DOCK4: variants seen among roughly 807,000 people sequenced by gnomAD.
The protein encoded by DOCK4 is dedicator of cytokinesis protein 4.
Under a neutral mutation model 268.1 loss-of-function variants are expected in DOCK4, and 97 were observed. That is an observed-to-expected ratio of 0.36 (90% CI 0.31 to 0.43). The LOEUF (loss-of-function observed/expected upper bound fraction) is 0.43. Ranked by LOEUF, DOCK4 falls within the 20% of genes least tolerant of loss-of-function variation. The pLI, the probability that DOCK4 is intolerant of heterozygous loss-of-function variation, is 1.00. For missense variants in DOCK4, 2,145 were observed against 2,455.7 expected, an observed-to-expected ratio of 0.87 and a Z score of 2.67; for synonymous variants, 954 against 887.2, an observed-to-expected ratio of 1.08 and a Z score of -1.34.
intron 25 of DOCK4, among the ~76,000 whole-genome samples, chr7:111,841,934 T>A (rs1226326758): frequency 6.6e-6 from 1 of 152,232 alleles, no homozygotes; most frequent in Non-Finnish European, 1.5e-5. Context: ...TTAAAAAGTG[T>A]TTTAGCTTCT....
chr7:111,759,844 A>AACTT (rs781084520), intron 40 of DOCK4, among the ~76,000 whole-genome samples: 72 of 151,924 alleles, frequency 4.7e-4, no homozygotes, highest in Non-Finnish European at 7.1e-4. Flanking sequence ...GATTTTCTTG[A>AACTT]ACTTAAGCAG....
In DOCK4 at chr7:111,973,160, T is replaced by C. The variant is rs879346101; in HGVS notation, c.701+3972A>G. On this transcript the variant is annotated intron_variant, in intron 8 of 52. Coordinates refer to ENST00000428084, the MANE Select transcript of DOCK4 (RefSeq NM_001363540.2). ...TGGCTGACTAGTATTCCATGGCATA[T>C]ATATATATATATATATATATATATA... Among the ~76,000 whole-genome samples, 458 of 119,140 alleles carry C rather than the reference T, an allele frequency of 3.8e-3. 2 individuals carry two copies. The highest frequency in any genetic ancestry group is 6.4e-3 in the Non-Finnish European group (369 of 57,564). The allele number at this position is 119,140 out of a possible 152,430, so 78.2% of individuals were successfully genotyped here.
At chr7:111,915,758 G>A (rs374371338) in intron 13 of DOCK4, 21 bp downstream of exon 13, 27 of 1,609,728 alleles carry the variant, frequency 1.7e-5, no homozygotes, top group Admixed American at 3.4e-5. Context: ...TCATCATATC[G>A]GTACGTCCCA....
chr7:111,824,403 T>C lies in DOCK4; in HGVS notation c.2836-1947A>G, dbSNP rs142555742. ...TCCTATCTTGGTGCATTTGCTTAGA[T>C]AGATGTGAAAGTCATGAGAGTGGGG... On this transcript the variant is annotated intron_variant, in intron 26 of 52. Coordinates refer to ENST00000428084, the MANE Select transcript of DOCK4 (RefSeq NM_001363540.2). 2.3e-3 allele frequency among the ~76,000 whole-genome samples: 346 copies of C among 152,276 alleles called. 1 individual carries two copies. Among genetic ancestry groups the C allele is most frequent in the African/African-American group, 8.0e-3 (332 of 41,568 alleles).
chr7:112,185,829 G>A (rs1431990835), intron 1 of DOCK4, among the ~76,000 whole-genome samples: 6 of 152,204 alleles, frequency 3.9e-5, no homozygotes, highest in Admixed American at 1.3e-4. Context: ...TTTCCTAAGC[G>A]GAATCCAGTC....
At chr7:112,098,183 T>C (rs978576476) in intron 1 of DOCK4, among the ~76,000 whole-genome samples, 4 of 152,152 alleles carry the variant, frequency 2.6e-5, no homozygotes, top group Admixed American at 2.0e-4. Flanking sequence ...ATAAATTATT[T>C]ATCTTCTTTT....
chr7:111,864,349 CA>C (rs900982107), intron 22 of DOCK4, among the ~76,000 whole-genome samples: 9 of 151,260 alleles, frequency 6.0e-5, no homozygotes, highest in African/African-American at 2.2e-4. Flanking sequence ...TACACCAAAA[CA>C]AACCAAATCA....
At chr7:112,022,988 C>T (rs186371185) in intron 1 of DOCK4, among the ~76,000 whole-genome samples, 6 of 152,218 alleles carry the variant, frequency 3.9e-5, no homozygotes, top group African/African-American at 1.4e-4. Flanking sequence ...GTGGTCTCGG[C>T]TCACTGCAAC....
intron 1 of DOCK4, among the ~76,000 whole-genome samples, chr7:112,160,569 A>G (rs1215420838): frequency 1.3e-5 from 2 of 152,160 alleles, no homozygotes; most frequent in Admixed American, 1.3e-4. Flanking sequence ...TAATCTATTT[A>G]GTAAATCAGC....
At chr7:111,783,985 A>G (rs755722983) in intron 33 of DOCK4, 33 bp from the exon 34 acceptor site, 3 of 1,573,572 alleles carry the variant, frequency 1.9e-6, no homozygotes, top group East Asian at 2.3e-5. Flanking sequence ...CATTTTCAAC[A>G]TTTATTTTTA....
intron 1 of DOCK4, among the ~76,000 whole-genome samples, chr7:112,195,371 C>T (rs1241522554): frequency 6.6e-6 from 1 of 152,224 alleles, no homozygotes; most frequent in Non-Finnish European, 1.5e-5. Flanking sequence ...TAATGTTTTT[C>T]ATCCAGACTA....
chr7:111,928,928 C>A (rs1388861743), intron 12 of DOCK4, among the ~76,000 whole-genome samples: 1 of 152,048 alleles, frequency 6.6e-6, no homozygotes, highest in Non-Finnish European at 1.5e-5. Flanking sequence ...AGAAAATTGT[C>A]AAAATCTGAA....
chr7:111,771,912 T>C (rs1014596223), intron 36 of DOCK4, among the ~76,000 whole-genome samples: 3 of 152,182 alleles, frequency 2.0e-5, no homozygotes, highest in African/African-American at 7.2e-5. Context: ...GTCACTCAAA[T>C]TTCTTTTGTG....
rs1015894104 is a variant in DOCK4 at position 111,960,852 on chromosome 7, A to T, written c.702-15054T>A. 3.9e-5 allele frequency among the ~76,000 whole-genome samples: 6 copies of T among 152,170 alleles called. No homozygotes were observed. In the East Asian group the frequency reaches 5.8e-4, roughly 15 times the overall value. ...AGGTACATCCATGTTGTCCAAAATG[A>T]CAGAGTTTCCTTCTTTTTAAGGCTG... is the stretch of plus-strand genomic sequence containing the variant. On this transcript the variant is annotated intron_variant, in intron 8 of 52. Coordinates refer to ENST00000428084, the MANE Select transcript of DOCK4 (RefSeq NM_001363540.2).
intron 1 of DOCK4, among the ~76,000 whole-genome samples, chr7:112,191,833 T>C (rs1229408456): frequency 1.3e-5 from 2 of 151,948 alleles, no homozygotes; most frequent in African/African-American, 2.4e-5. Context: ...GGCCCAGCCC[T>C]TGGTAAGCAT....
chr7:112,082,678 C>G (rs1808706197), intron 1 of DOCK4, among the ~76,000 whole-genome samples: 1 of 152,102 alleles, frequency 6.6e-6, no homozygotes, highest in Non-Finnish European at 1.5e-5. Context: ...ACTCTCTCTC[C>G]TCAGATTACA....
rs115304726 is a variant in DOCK4, at chr7:112,039,123, G to A, written c.38-34992C>T. Among the ~76,000 whole-genome samples the A allele has an allele frequency of 2.4e-3, 366 of 152,148 alleles. 1 individual carries two copies. Among genetic ancestry groups the A allele is most frequent in the African/African-American group, 8.3e-3 (343 of 41,488 alleles). The stretch of plus-strand genomic sequence containing the variant: ...TACCATGATATATTATATTGTTTCC[G>A]GCTCAGTGAATCTCCAAGATCCCCC... On this transcript the variant is annotated intron_variant, in intron 1 of 52. Transcript: ENST00000428084.
intron 7 of DOCK4, among the ~76,000 whole-genome samples, chr7:111,982,919 G>A (rs73210908): frequency 0.26 from 39,155 of 152,074 alleles, 5,861 homozygotes; most frequent in African/African-American, 0.41. Flanking sequence ...CAAACTATAC[G>A]GATTATATTT....
intron 29 of DOCK4, 89 bp downstream of exon 29, chr7:111,809,212 C>T: frequency 9.3e-7 from 1 of 1,080,430 alleles, no homozygotes; most frequent in African/African-American, 1.6e-5. Flanking sequence ...GTGTGATTTC[C>T]AGTTATGCGC....
Sources: gnomAD v4.1 joint callset for allele counts (sites outside exome capture counted in the v4.1 genomes callset) on GRCh38, gnomAD v4.1.1 for gene constraint, MANE v1.5 for transcripts, NCBI Gene and HGNC (gene_info 2026-07-23, HGNC 2026-07-21) for gene names.